PPM1L: variants seen among roughly 807,000 people sequenced by gnomAD.
PPM1L encodes protein phosphatase 1L.
In PPM1L, 13 loss-of-function variants were observed where a neutral mutation model predicts 31.4. The ratio of observed to expected loss-of-function variants is 0.41; its 90% CI spans 0.27 to 0.66. The LOEUF (loss-of-function observed/expected upper bound fraction) is 0.66. Among genes scored for constraint, PPM1L ranks in the 30% least tolerant of loss-of-function variants. PPM1L has a pLI of 0.29. For synonymous variants in PPM1L, 184 were observed against 175.4 expected, an observed-to-expected ratio of 1.05 and a Z score of -0.39; for missense variants, 326 against 453.7, an observed-to-expected ratio of 0.72 and a Z score of 2.56.
intron 2 of PPM1L, among the ~76,000 whole-genome samples, chr3:160,969,792 G>A (rs1050064792): frequency 1.3e-5 from 2 of 152,172 alleles, no homozygotes; most frequent in African/African-American, 2.4e-5. Flanking sequence ...TATTGACTGT[G>A]CAACCTCTGA....
chr3:160,859,933 A>T (rs1419108901), intron 1 of PPM1L, among the ~76,000 whole-genome samples: 1 of 152,214 alleles, frequency 6.6e-6, no homozygotes, highest in Non-Finnish European at 1.5e-5. Flanking sequence ...TGTAACCTCG[A>T]TCAAGTTCTG....
At chr3:161,042,616 C>T (rs1175233731) in intron 2 of PPM1L, among the ~76,000 whole-genome samples, 5 of 152,188 alleles carry the variant, frequency 3.3e-5, no homozygotes, top group African/African-American at 1.2e-4. Flanking sequence ...TCTCTGAAAA[C>T]CTTTTACTTA....
At chr3:160,936,115 A>G (rs1012582016) in intron 1 of PPM1L, among the ~76,000 whole-genome samples, 6 of 151,960 alleles carry the variant, frequency 3.9e-5, no homozygotes, top group Non-Finnish European at 7.4e-5. Context: ...GAACTTGGAG[A>G]GAATTTTTTT....
In PPM1L at chr3:161,071,369, AAC is replaced by A. The variant is rs1479003291; in HGVS notation, c.*2214_*2215del. ...TATTTTTATTGTCTAAAATGAAAGC[AAC>A]AGTGTTTTGATAAAGATGAAAAAGA... On this transcript the variant is annotated 3_prime_UTR_variant, in exon 4 of 4. Coordinates refer to ENST00000498165, the MANE Select transcript of PPM1L (RefSeq NM_139245.4). The A allele has an allele frequency of 6.6e-6, 1 of 152,244 alleles. No homozygotes were observed. Among genetic ancestry groups the A allele is most frequent in the East Asian group, 1.9e-4 (1 of 5,204 alleles). 9.4% of individuals were successfully genotyped at this position (152,244 alleles called of 1,614,324 possible). A position where few individuals can be genotyped will look rare whatever the true frequency, so the allele number is the denominator to read the frequency against.
intron 1 of PPM1L, among the ~76,000 whole-genome samples, chr3:160,759,629 G>A (rs558630653): frequency 1.3e-5 from 2 of 152,290 alleles, no homozygotes; most frequent in Non-Finnish European, 2.9e-5. Flanking sequence ...TCAGTCTAGT[G>A]AGAGAGATAG....
chr3:161,011,485 G>T (rs941591523), intron 2 of PPM1L, among the ~76,000 whole-genome samples: 3 of 152,122 alleles, frequency 2.0e-5, no homozygotes, highest in Non-Finnish European at 2.9e-5. Flanking sequence ...GCTTAGGATT[G>T]TCTTGGCAAT....
At chr3:160,776,894 C>G (rs549053062) in intron 1 of PPM1L, among the ~76,000 whole-genome samples, 2 of 151,872 alleles carry the variant, frequency 1.3e-5, no homozygotes, top group African/African-American at 4.8e-5. Context: ...CCACCATGCC[C>G]GGCCCTTGGT....
chr3:161,074,047 A>G lies in PPM1L; in HGVS notation c.*4890A>G, dbSNP rs924517802. The G allele has an allele frequency of 1.3e-5, 2 of 152,256 alleles. No individual in the cohort carries two copies. Among genetic ancestry groups the G allele is most frequent in the Non-Finnish European group, 2.9e-5 (2 of 68,042 alleles). The allele number at this position is 152,256 out of a possible 1,614,324, so 9.4% of individuals were successfully genotyped here. A position where few individuals can be genotyped will look rare whatever the true frequency, so the allele number is the denominator to read the frequency against. On this transcript the variant is annotated 3_prime_UTR_variant, in exon 4 of 4. Transcript: ENST00000498165. Reference sequence around the variant, plus strand: ...AATATACAGAAAATCACAGAAAAGGAAAAACAGAAATTTGATTTTAATTCA... The same window carrying G: ...AATATACAGAAAATCACAGAAAAGGGAAAACAGAAATTTGATTTTAATTCA...
intron 1 of PPM1L, among the ~76,000 whole-genome samples, chr3:160,808,417 GT>G (rs1712703887): frequency 2.2e-5 from 3 of 134,916 alleles, no homozygotes; most frequent in Non-Finnish European, 3.2e-5. Flanking sequence ...GTGTGTGTGT[GT>G]GTGTGGTGGG....
intron 1 of PPM1L, among the ~76,000 whole-genome samples, chr3:160,847,730 C>T (rs1327200216): frequency 2.0e-5 from 3 of 152,128 alleles, no homozygotes; most frequent in Admixed American, 2.0e-4. Context: ...AATGCCCAAG[C>T]CTTATTTCCA....
At chr3:160,808,385 G>C (rs7633867) in intron 1 of PPM1L, among the ~76,000 whole-genome samples, 6,494 of 47,582 alleles carry the variant, frequency 0.14, 333 homozygotes, top group African/African-American at 0.35. Flanking sequence ...GGATTTTCCT[G>C]TGTGTGTGTG....
chr3:160,980,839 A>G (rs1016219887), intron 2 of PPM1L, among the ~76,000 whole-genome samples: 2 of 152,048 alleles, frequency 1.3e-5, no homozygotes, highest in African/African-American at 4.8e-5. Flanking sequence ...AAGGAAAGAT[A>G]TAATGTGTGG....
At chr3:160,792,034 A>G (rs577810387) in intron 1 of PPM1L, among the ~76,000 whole-genome samples, 39 of 152,282 alleles carry the variant, frequency 2.6e-4, no homozygotes, top group African/African-American at 9.1e-4. Context: ...GTGTTAACTT[A>G]TGGCTGAACT....
At chr3:160,965,409 C>T (rs972387334) in intron 2 of PPM1L, among the ~76,000 whole-genome samples, 1 of 152,024 alleles carries the variant, frequency 6.6e-6, no homozygotes, top group Non-Finnish European at 1.5e-5. Context: ...ACTTCACATA[C>T]ACCCATTCTG....
At chr3:160,919,356 T>C (rs1301116461) in intron 1 of PPM1L, among the ~76,000 whole-genome samples, 1 of 152,226 alleles carries the variant, frequency 6.6e-6, no homozygotes, top group East Asian at 1.9e-4. Context: ...AACTGGGCTT[T>C]CTTCCAAAAT....
chr3:160,814,407 A>G (rs1488597526), intron 1 of PPM1L, among the ~76,000 whole-genome samples: 2 of 152,068 alleles, frequency 1.3e-5, no homozygotes, highest in East Asian at 1.9e-4. Context: ...ACAATTCACA[A>G]TTGCAAAAAT....
intron 2 of PPM1L, among the ~76,000 whole-genome samples, chr3:161,049,988 G>A (rs551523063): frequency 1.4e-4 from 21 of 152,072 alleles, no homozygotes; most frequent in Non-Finnish European, 2.5e-4. Flanking sequence ...CTTTTCCCCC[G>A]ACCTTCCTGG....
intron 1 of PPM1L, among the ~76,000 whole-genome samples, chr3:160,830,874 A>G (rs982425651): frequency 6.6e-6 from 1 of 152,216 alleles, no homozygotes; most frequent in Non-Finnish European, 1.5e-5. Context: ...AAGAGTATTT[A>G]AAAACTATTT....
chr3:161,007,944 C>T (rs528955617), intron 2 of PPM1L, among the ~76,000 whole-genome samples: 27 of 152,180 alleles, frequency 1.8e-4, no homozygotes, highest in African/African-American at 6.3e-4. Context: ...ATGGTATTGT[C>T]GGGGCTCAAA....
Sources: gnomAD v4.1 joint callset for allele counts (sites outside exome capture counted in the v4.1 genomes callset) on GRCh38, gnomAD v4.1.1 for gene constraint, MANE v1.5 for transcripts, NCBI Gene and HGNC (gene_info 2026-07-23, HGNC 2026-07-21) for gene names.